The following FBXW8 variants were observed in gnomAD, a reference collection of about 807,000 sequenced individuals.
FBXW8 encodes the protein F-box and WD repeat domain containing 8, also known as F-box/WD repeat-containing protein 8.
A neutral mutation model predicts 65.3 loss-of-function variants in FBXW8; 57 were observed. The observed-to-expected ratio is 0.87, with a 90% CI of 0.71 to 1.09. FBXW8 has a LOEUF of 1.09. FBXW8 is among the 50% of genes least tolerant of loss of function. FBXW8 has a pLI of 0.00. For synonymous variants in FBXW8, 308 were observed against 330.2 expected, an observed-to-expected ratio of 0.93 and a Z score of 0.73; for missense variants, 777 against 814.8, an observed-to-expected ratio of 0.95 and a Z score of 0.57.
At chr12:116,945,926 A>T (rs1372739212) in intron 3 of FBXW8, among the ~76,000 whole-genome samples, 1 of 152,250 alleles carries the variant, frequency 6.6e-6, no homozygotes, top group Non-Finnish European at 1.5e-5. Flanking sequence ...AGTAAATGTA[A>T]GAGGGAGATG....
chr12:116,920,347 A>T (rs955546262), intron 1 of FBXW8, among the ~76,000 whole-genome samples: 34 of 152,296 alleles, frequency 2.2e-4, no homozygotes, highest in Admixed American at 1.4e-3. Context: ...TATCCCACAA[A>T]TATTTATTAA....
intron 8 of FBXW8, among the ~76,000 whole-genome samples, chr12:117,014,192 C>T (rs1374749116): frequency 1.3e-5 from 2 of 152,186 alleles, no homozygotes; most frequent in African/African-American, 4.8e-5. Flanking sequence ...GGACTCTTTC[C>T]TGTGTCATCT....
At chr12:117,010,117 C>A (rs1194938552) in intron 7 of FBXW8, among the ~76,000 whole-genome samples, 2 of 152,226 alleles carry the variant, frequency 1.3e-5, no homozygotes, top group African/African-American at 4.8e-5. Flanking sequence ...TTCCTTCTCT[C>A]TTCCTTTGCA....
intron 8 of FBXW8, among the ~76,000 whole-genome samples, chr12:117,020,700 C>T (rs1026929335): frequency 6.6e-5 from 10 of 152,166 alleles, no homozygotes; most frequent in African/African-American, 2.4e-4. Flanking sequence ...TAGGGTGGCC[C>T]TTCAGTGTGT....
intron 7 of FBXW8, among the ~76,000 whole-genome samples, chr12:116,994,419 C>G (rs1953326814): frequency 6.6e-6 from 1 of 152,154 alleles, no homozygotes; most frequent in Non-Finnish European, 1.5e-5. Context: ...ATGCATTCAC[C>G]TAATTCAGGG....
At chr12:117,019,750 C>G (rs992182143) in intron 8 of FBXW8, among the ~76,000 whole-genome samples, 1 of 152,112 alleles carries the variant, frequency 6.6e-6, no homozygotes, top group South Asian at 2.1e-4. Context: ...GAAGGCCTCC[C>G]GGTCATGAAT....
intron 7 of FBXW8, among the ~76,000 whole-genome samples, chr12:117,008,634 GGATT>G (rs1332406722): frequency 1.5e-4 from 23 of 152,088 alleles, no homozygotes; most frequent in Admixed American, 5.9e-4. Context: ...TATGTTGACA[GGATT>G]GATTATTTTC....
chr12:116,923,925 G>A (rs1165694897), intron 1 of FBXW8, among the ~76,000 whole-genome samples: 1 of 152,146 alleles, frequency 6.6e-6, no homozygotes, highest in Non-Finnish European at 1.5e-5. Context: ...ATGTTAGCCA[G>A]GATGATCTCC....
At position 117,030,982 on chromosome 12, in the gene FBXW8, G is replaced by GCCTCCATCCCCGGCTCCCCTAT. The variant is rs1954345231; in HGVS notation, c.*2831_*2832insTCCTCCATCCCCGGCTCCCCTA. 1 of 152,124 alleles carries GCCTCCATCCCCGGCTCCCCTAT rather than the reference G, an allele frequency of 6.6e-6. No individual in the cohort carries two copies. The highest frequency in any genetic ancestry group is 2.1e-4 in the South Asian group (1 of 4,820). The allele number at this position is 152,124 out of a possible 1,614,324, so 9.4% of individuals were successfully genotyped here. A position where few individuals can be genotyped will look rare whatever the true frequency, so the allele number is the denominator to read the frequency against. The stretch of plus-strand genomic sequence containing the variant: ...TCCTTCTTTAGTCCCTCTCAGGGAC[G>GCCTCCATCCCCGGCTCCCCTAT]CCTCCATCCCCGGCTCCCCTAAAGG... On this transcript the variant is annotated 3_prime_UTR_variant, in exon 11 of 11. Transcript: ENST00000652555.
chr12:117,018,958 A>G (rs1284060316), intron 8 of FBXW8, among the ~76,000 whole-genome samples: 5 of 152,204 alleles, frequency 3.3e-5, no homozygotes, highest in African/African-American at 1.2e-4. Context: ...TGCACTGAAA[A>G]GTACTTGGTA....
Position 117,029,257 on chromosome 12 carries a change from C to T in FBXW8, c.*1085C>T, listed in dbSNP as rs1484844184. ...AATCCCCCAACCCCAAGACACTGCA[C>T]CCTATGGGCTATACCCTCAGGCAGG... is the stretch of plus-strand genomic sequence containing the variant. On this transcript the variant is annotated 3_prime_UTR_variant, in exon 11 of 11. Transcript: ENST00000652555. 1 of 152,244 alleles carries T rather than the reference C, an allele frequency of 6.6e-6. No homozygotes were observed. Among genetic ancestry groups the T allele is most frequent in the African/African-American group, 2.4e-5 (1 of 41,426 alleles). The allele number at this position is 152,244 out of a possible 1,614,324, so 9.4% of individuals were successfully genotyped here.
At chr12:116,962,856 C>A (rs567140285) in intron 4 of FBXW8, among the ~76,000 whole-genome samples, 1 of 152,244 alleles carries the variant, frequency 6.6e-6, no homozygotes, top group East Asian at 1.9e-4. Flanking sequence ...CTCAGGGTGT[C>A]ACACTGAGCC....
Position 116,949,723 on chromosome 12 carries a change from C to G in FBXW8, c.677+17C>G. 6.2e-7 allele frequency: 1 copy of G among 1,609,978 alleles called. No homozygotes were observed. Among genetic ancestry groups the G allele is most frequent in the Non-Finnish European group, 8.5e-7 (1 of 1,176,226 alleles). On this transcript the variant is annotated intron_variant, in intron 4 of 10. Coordinates refer to ENST00000652555, the MANE Select transcript of FBXW8 (RefSeq NM_153348.3). ...CATTGCGGGGTAAGCCAAACCGTTT[C>G]CACTGAGTGCTCTGCATCTGAAGGT...
At chr12:117,012,115 C>G (rs965652284) in intron 8 of FBXW8, among the ~76,000 whole-genome samples, 1 of 152,084 alleles carries the variant, frequency 6.6e-6, no homozygotes, top group Non-Finnish European at 1.5e-5. Flanking sequence ...CCTGTGGATA[C>G]TGAGGGCTGA....
At chr12:116,913,587 G>T (rs896648629) in intron 1 of FBXW8, among the ~76,000 whole-genome samples, 1 of 152,044 alleles carries the variant, frequency 6.6e-6, no homozygotes, top group African/African-American at 2.4e-5. Flanking sequence ...CATCACAAAG[G>T]CCATCATTCT....
rs571145511 is a variant in FBXW8, at chr12:116,995,580, C to T, written c.1239+6711C>T. ...TTGGTATTTTTTTCCTCAGTTCCTA[C>T]GTCTTGCCTTGTAAGCTGTATGTAG... On this transcript the variant is annotated intron_variant, in intron 7 of 10. Coordinates refer to ENST00000652555, the MANE Select transcript of FBXW8 (RefSeq NM_153348.3). Among the ~76,000 whole-genome samples, 27 of 152,254 alleles carry T rather than the reference C, an allele frequency of 1.8e-4. 1 individual carries two copies. The South Asian group carries it at 3.9e-3, about 22-fold the overall frequency.
At chr12:116,964,407 G>T (rs1458673449) in intron 4 of FBXW8, among the ~76,000 whole-genome samples, 1 of 152,202 alleles carries the variant, frequency 6.6e-6, no homozygotes, top group Non-Finnish European at 1.5e-5. Context: ...GCAGATTGTT[G>T]TAATAGTGTA....
At chr12:116,987,717 CAACAA>C (rs1885824018) in intron 6 of FBXW8, among the ~76,000 whole-genome samples, 1 of 152,126 alleles carries the variant, frequency 6.6e-6, no homozygotes, top group Non-Finnish European at 1.5e-5. Flanking sequence ...ACAAAAAACA[CAACAA>C]AACCAAAAAA....
chr12:116,940,117 T>A (rs879687487), intron 2 of FBXW8, among the ~76,000 whole-genome samples: 10 of 152,094 alleles, frequency 6.6e-5, no homozygotes, highest in Non-Finnish European at 1.5e-4. Context: ...GGGATGACAG[T>A]GTGGTTAAGT....
Sources: gnomAD v4.1 joint callset for allele counts (sites outside exome capture counted in the v4.1 genomes callset) on GRCh38, gnomAD v4.1.1 for gene constraint, MANE v1.5 for transcripts, NCBI Gene and HGNC (gene_info 2026-07-23, HGNC 2026-07-21) for gene names.